Variants in FAF1 observed in about 807,000 individuals in gnomAD.
FAF1 encodes FAS-associated factor 1.
FAF1 carries 25 observed loss-of-function variants against 92.5 expected under a neutral mutation model. That is an observed-to-expected ratio of 0.27 (90% CI 0.20 to 0.38). FAF1 has a LOEUF of 0.38. Ranked by LOEUF, FAF1 falls within the 10% of genes least tolerant of loss-of-function variation. The probability of loss-of-function intolerance (pLI) is 1.00; values close to 1 mark genes in which losing one functional copy is unlikely to be tolerated. For synonymous variants in FAF1, 234 were observed against 273.2 expected (o/e 0.86, Z 1.42); for missense variants, 636 against 793.3 (o/e 0.80, Z 2.38).
At chr1:50,834,618 C>T (rs527747472) in intron 2 of FAF1, among the ~76,000 whole-genome samples, 11 of 152,182 alleles carry the variant, frequency 7.2e-5, no homozygotes, top group Non-Finnish European at 1.2e-4. Context: ...AATTACTATT[C>T]CAATACTCAG....
intron 1 of FAF1, among the ~76,000 whole-genome samples, chr1:50,940,153 C>T (rs1276491932): frequency 6.6e-6 from 1 of 152,212 alleles, no homozygotes; most frequent in African/African-American, 2.4e-5. Context: ...CTCAAGCAAT[C>T]TGCCCACTTC....
chr1:50,535,776 T>C (rs1648448709), intron 14 of FAF1, among the ~76,000 whole-genome samples: 1 of 152,222 alleles, frequency 6.6e-6, no homozygotes, highest in South Asian at 2.1e-4. Flanking sequence ...TGAAAACATA[T>C]CTTGTTAATA....
At chr1:50,832,869 A>T (rs996331577) in intron 2 of FAF1, among the ~76,000 whole-genome samples, 2 of 149,948 alleles carry the variant, frequency 1.3e-5, no homozygotes, top group African/African-American at 4.9e-5. Flanking sequence ...AGGCAGAAAT[A>T]AAAAAAAATT....
chr1:50,611,353 G>A (rs1458179579), intron 8 of FAF1, among the ~76,000 whole-genome samples: 2 of 152,022 alleles, frequency 1.3e-5, no homozygotes, highest in African/African-American at 2.4e-5. Flanking sequence ...AAAGAAAAAG[G>A]AAAAACCTCA....
Position 50,788,113 on chromosome 1 carries a change from C to A in FAF1, c.254G>T (p.Arg85Leu). Reference protein sequence around the residue: ...APTSSSSSAFRPVMPSRQIVE... With the variant: ...APTSSSSSAFLPVMPSRQIVE... ...AATCTGCCTGGATGGCATTACAGGT[C>A]GAAACGCTGAAGAAGAAGAGGAAGT... The change falls in exon 4 of 19, where the codon CGA becomes CTA. Residue 85 changes from arginine to leucine, a missense_variant. Around this residue, in one of 2 missense-constraint regions of FAF1, gnomAD observed 317 missense variants for 342.4 expected, o/e 0.93. Transcript: ENST00000396153. 4 of 1,614,004 alleles carry A rather than the reference C, an allele frequency of 2.5e-6. No homozygotes were observed. The highest frequency in any genetic ancestry group is 1.3e-5 in the African/African-American group (1 of 74,996).
intron 5 of FAF1, among the ~76,000 whole-genome samples, chr1:50,743,476 T>C (rs79090772): frequency 0.098 from 14,960 of 151,894 alleles, 799 homozygotes; most frequent in African/African-American, 0.14. Flanking sequence ...TACAGGGGCG[T>C]GCCACCACGC....
chr1:50,764,457 C>T (rs1660487313), intron 4 of FAF1, among the ~76,000 whole-genome samples: 1 of 152,180 alleles, frequency 6.6e-6, no homozygotes, highest in African/African-American at 2.4e-5. Flanking sequence ...TAGTACTGAG[C>T]CCTATACATT....
intron 18 of FAF1, among the ~76,000 whole-genome samples, chr1:50,473,288 A>G (rs1229320038): frequency 6.6e-6 from 1 of 152,186 alleles, no homozygotes; most frequent in Non-Finnish European, 1.5e-5. Flanking sequence ...TTTTCACCCC[A>G]TCCCTGTCAG....
At chr1:50,931,884 AAATAAATAAT>A (rs1400163169) in intron 1 of FAF1, among the ~76,000 whole-genome samples, 49 of 65,346 alleles carry the variant, frequency 7.5e-4, no homozygotes, top group African/African-American at 1.7e-3. Context: ...AAAAATAAAT[AAATAAATAAT>A]AATAATAATA....
At chr1:50,867,701 G>A (rs936435568) in intron 1 of FAF1, among the ~76,000 whole-genome samples, 1 of 152,114 alleles carries the variant, frequency 6.6e-6, no homozygotes, top group African/African-American at 2.4e-5. Flanking sequence ...TGTGGATGTG[G>A]TGAAAATAGA....
chr1:50,745,164 G>C (rs1438877234), intron 4 of FAF1, among the ~76,000 whole-genome samples: 1 of 152,064 alleles, frequency 6.6e-6, no homozygotes, highest in Non-Finnish European at 1.5e-5. Flanking sequence ...AGCCAAGCGT[G>C]GTGGCACACA....
chr1:50,822,850 C>T (rs1036384366), intron 2 of FAF1, among the ~76,000 whole-genome samples: 1 of 149,616 alleles, frequency 6.7e-6, no homozygotes, highest in Admixed American at 6.7e-5. Context: ...TCTCAGCTCA[C>T]TGCAACCTCT....
chr1:50,742,804 A>C (rs1037817721), intron 5 of FAF1, among the ~76,000 whole-genome samples: 1 of 152,198 alleles, frequency 6.6e-6, no homozygotes, highest in Non-Finnish European at 1.5e-5. Context: ...ACTTTTAAAA[A>C]GTTTTAATCC....
At chr1:50,701,913 A>C (rs1168518185) in intron 7 of FAF1, among the ~76,000 whole-genome samples, 1 of 152,102 alleles carries the variant, frequency 6.6e-6, no homozygotes, top group Non-Finnish European at 1.5e-5. Flanking sequence ...TCTGAGGTAA[A>C]GTGAAACTTG....
At chr1:50,467,626 T>C (rs1453986707) in intron 18 of FAF1, among the ~76,000 whole-genome samples, 4 of 152,180 alleles carry the variant, frequency 2.6e-5, no homozygotes, top group Non-Finnish European at 4.4e-5. Flanking sequence ...AAAGTATTTT[T>C]CTAGATGATA....
Position 50,441,515 on chromosome 1 carries a change from T to G in FAF1, c.1878A>C (p.Gln626His). The G allele has an allele frequency of 1.3e-6, 2 of 1,538,638 alleles. No individual in the cohort carries two copies. The highest frequency in any genetic ancestry group is 1.8e-6 in the Non-Finnish European group (2 of 1,137,018). The stretch of plus-strand genomic sequence containing the variant: ...CCAATAATGATTTATTTGGGTCCAG[T>G]TGAGTTACCTAAAAAGATGAAGAAC... ...LSTFPRRDVT[Q>H]LDPNKSLLEV... The change falls in exon 19 of 19, where the codon CAA (glutamine) becomes CAC (histidine). Residue 626 changes from glutamine (Q) to histidine (H), a missense_variant. By Grantham distance (24) the Gln-to-His change is conservative (BLOSUM62 0). Coordinates refer to ENST00000396153, the MANE Select transcript of FAF1 (RefSeq NM_007051.3).
intron 2 of FAF1, among the ~76,000 whole-genome samples, chr1:50,847,978 C>T (rs1356628538): frequency 1.3e-5 from 2 of 151,902 alleles, no homozygotes. Context: ...GCTGTCAACA[C>T]AGAATTCCAT....
intron 4 of FAF1, among the ~76,000 whole-genome samples, chr1:50,745,966 C>A (rs2124498285): frequency 6.6e-6 from 1 of 151,982 alleles, no homozygotes; most frequent in East Asian, 1.9e-4. Flanking sequence ...CAACAAAATG[C>A]TGACAGTGAT....
chr1:50,582,838 C>A (rs1183032455), intron 11 of FAF1, 139 bp from the exon 12 acceptor site: 1 of 597,330 alleles, frequency 1.7e-6, no homozygotes, highest in Non-Finnish European at 3.0e-6. Flanking sequence ...TCTTTAAAAG[C>A]TTGGAAATGA....
Sources: allele counts gnomAD v4.1 joint callset (sites outside exome capture counted in the v4.1 genomes callset), GRCh38; gene constraint gnomAD v4.1.1; regional missense constraint gnomAD v4.1.1; transcripts MANE v1.5; gene names NCBI Gene and HGNC (gene_info 2026-07-23, HGNC 2026-07-21).